The following ARFGAP3 variants were observed in gnomAD, a reference collection of about 807,000 sequenced individuals.
ARFGAP3 encodes the protein ARF GTPase activating protein 3.
Under a neutral mutation model 75.0 loss-of-function variants are expected in ARFGAP3, and 72 were observed. The observed-to-expected ratio is 0.96, with a 90% confidence interval of 0.79 to 1.17. ARFGAP3 has a LOEUF of 1.17. Ranked by LOEUF, ARFGAP3 falls within the 50% of genes most tolerant of loss-of-function variation. The pLI, the probability that ARFGAP3 is intolerant of heterozygous loss-of-function variation, is 0.00. For synonymous variants in ARFGAP3, 221 were observed against 217.9 expected (o/e 1.01, Z -0.13); for missense variants, 620 against 626.6 (o/e 0.99, Z 0.11).
chr22:42,827,121 C>A, intron 6 of ARFGAP3, 122 bp from the exon 7 acceptor site: 1 of 1,402,790 alleles, frequency 7.1e-7, no homozygotes, highest in South Asian at 1.7e-5. Flanking sequence ...GATCACCTAC[C>A]TTTTTAGCTG....
rs1925640910 is a variant in ARFGAP3 at position 42,817,732 on chromosome 22, C to CA, written c.937_938insT (p.Arg313MetfsTer30). On this transcript the variant is annotated frameshift_variant, in exon 10 of 16. Coordinates refer to ENST00000263245, the MANE Select transcript of ARFGAP3 (RefSeq NM_014570.5). LOFTEE classifies it high-confidence loss of function. ...CCAAGAAAGCAGTCTCACATACCTT[C>CA]TGCAATTTCCAAATCCCATGCCGAG... The CA allele has an allele frequency of 1.2e-6, 2 of 1,610,840 alleles. No homozygotes were observed. The highest frequency in any genetic ancestry group is 2.7e-5 in the African/African-American group (2 of 74,948).
chr22:42,840,242 T>C (rs1375101734), intron 3 of ARFGAP3, among the ~76,000 whole-genome samples: 1 of 151,944 alleles, frequency 6.6e-6, no homozygotes, highest in Admixed American at 6.6e-5. Flanking sequence ...GGGGATCTTG[T>C]TTGTCTTGTC....
intron 6 of ARFGAP3, among the ~76,000 whole-genome samples, chr22:42,831,072 G>A (rs1288154925): frequency 6.6e-6 from 1 of 152,002 alleles, no homozygotes; most frequent in Non-Finnish European, 1.5e-5. Flanking sequence ...GGCCAAGGCG[G>A]GTGGATCACC....
intron 1 of ARFGAP3, among the ~76,000 whole-genome samples, chr22:42,855,112 G>A (rs947791139): frequency 6.6e-6 from 1 of 152,118 alleles, no homozygotes; most frequent in Non-Finnish European, 1.5e-5. Context: ...CCCATTTTCA[G>A]AGGAGGAAAA....
At position 42,819,671 on chromosome 22, in the gene ARFGAP3, TAGA is replaced by T. The variant is rs763711371; in HGVS notation, c.813-1817_813-1815del. Among the ~76,000 whole-genome samples, 7 of 152,268 alleles carry T rather than the reference TAGA, an allele frequency of 4.6e-5. No individual in the cohort carries two copies. The East Asian group carries it at 7.7e-4, about 17-fold the overall frequency. On this transcript the variant is annotated intron_variant, in intron 9 of 15. Coordinates refer to ENST00000263245, the MANE Select transcript of ARFGAP3 (RefSeq NM_014570.5). ...CTCTGAGGACGGGCTGGGAAACTGC[TAGA>T]AGGAGACCAGGATGCTGCATGGGCT...
intron 6 of ARFGAP3, 59 bp downstream of exon 6, chr22:42,831,490 T>C: frequency 6.4e-7 from 1 of 1,553,494 alleles, no homozygotes; most frequent in Non-Finnish European, 8.8e-7. Context: ...TTTTTAATAG[T>C]TTCATAGCAT....
chr22:42,835,545 G>A, intron 3 of ARFGAP3, 52 bp from the exon 4 acceptor site: 1 of 1,597,756 alleles, frequency 6.3e-7, no homozygotes, highest in Non-Finnish European at 8.5e-7. Flanking sequence ...CGTATGGCCA[G>A]GCGCAGTGGC....
At chr22:42,848,922 T>C (rs80341319) in intron 1 of ARFGAP3, among the ~76,000 whole-genome samples, 12,298 of 152,262 alleles carry the variant, frequency 0.081, 657 homozygotes, top group Non-Finnish European at 0.12. Context: ...ACTATGGCCT[T>C]TTCCTGTCTC....
At chr22:42,805,254 C>T (rs1602091951) in intron 14 of ARFGAP3, among the ~76,000 whole-genome samples, 1 of 152,214 alleles carries the variant, frequency 6.6e-6, no homozygotes, top group African/African-American at 2.4e-5. Flanking sequence ...AAGGTAAACA[C>T]AGGCTGCCAC....
chr22:42,820,353 A>C lies in ARFGAP3; in HGVS notation c.812+1917T>G, dbSNP rs1056706064. Among the ~76,000 whole-genome samples, 13 of 139,070 alleles carry C rather than the reference A, an allele frequency of 9.3e-5. No individual in the cohort carries two copies. The Admixed American group carries it at 9.7e-4, about 10-fold the overall frequency. The allele number at this position is 139,070 out of a possible 152,430, so 91.2% of individuals were successfully genotyped here. A position where few individuals can be genotyped will look rare whatever the true frequency, so the allele number is the denominator to read the frequency against. On this transcript the variant is annotated intron_variant, in intron 9 of 15. Coordinates refer to ENST00000263245, the MANE Select transcript of ARFGAP3 (RefSeq NM_014570.5). ...TTCAAACCATATTCGACCTAAATAC[A>C]GTTCAGTGCTGCCCCCTATGTTCTG...
At chr22:42,824,053 G>C (rs1371873978) in intron 7 of ARFGAP3, among the ~76,000 whole-genome samples, 3 of 147,516 alleles carry the variant, frequency 2.0e-5, no homozygotes, top group African/African-American at 7.5e-5. Flanking sequence ...TTTTGAGACA[G>C]GGTCTCGCTC....
intron 1 of ARFGAP3, among the ~76,000 whole-genome samples, chr22:42,854,982 A>G (rs1358288555): frequency 1.3e-5 from 2 of 152,352 alleles, no homozygotes; most frequent in East Asian, 3.9e-4. Context: ...TGTGTTCTTC[A>G]TCATAAAAAC....
intron 2 of ARFGAP3, among the ~76,000 whole-genome samples, chr22:42,845,572 A>C (rs1926980564): frequency 6.6e-6 from 1 of 151,384 alleles, no homozygotes; most frequent in Non-Finnish European, 1.5e-5. Context: ...AAAAACCCCA[A>C]GTTTGATTCA....
chr22:42,817,411 G>A, intron 10 of ARFGAP3, 147 bp from the exon 11 acceptor site: 1 of 1,144,322 alleles, frequency 8.7e-7, no homozygotes, highest in African/African-American at 1.6e-5. Context: ...TTTTTTTCTG[G>A]TGCAAGCTTT....
intron 5 of ARFGAP3, among the ~76,000 whole-genome samples, chr22:42,832,365 T>C (rs1926331961): frequency 6.6e-6 from 1 of 151,302 alleles, no homozygotes; most frequent in African/African-American, 2.4e-5. Context: ...CTGTCTCTAC[T>C]AAAATTACAA....
rs3046479 is a variant in ARFGAP3, at chr22:42,812,224, C to CAAAA, written c.1065-1284_1065-1281dup. 5.0e-3 allele frequency among the ~76,000 whole-genome samples: 284 copies of CAAAA among 56,548 alleles called. 8 individuals are homozygous for CAAAA. Among genetic ancestry groups the CAAAA allele is most frequent in the African/African-American group, 0.016 (236 of 14,474 alleles). The allele number at this position is 56,548 out of a possible 152,430, so 37.1% of individuals were successfully genotyped here. On this transcript the variant is annotated intron_variant, in intron 11 of 15. Transcript: ENST00000263245. The stretch of plus-strand genomic sequence containing the variant: ...TGGGTGACAGAGTGGGATACTGTCT[C>CAAAA]AAAAAAAAAAAAAAAAAAAAAAAGG...
intron 2 of ARFGAP3, among the ~76,000 whole-genome samples, chr22:42,843,388 C>G (rs1014066768): frequency 2.6e-5 from 4 of 152,184 alleles, no homozygotes; most frequent in Non-Finnish European, 4.4e-5. Context: ...TTTTCCCTCC[C>G]TTGTCTCCAT....
In ARFGAP3 at chr22:42,817,228, G is replaced by C. The variant is rs745997458; in HGVS notation, c.978C>G (p.Thr326=). 4.3e-6 allele frequency: 7 copies of C among 1,612,744 alleles called. No individual in the cohort carries two copies. In the South Asian group the frequency reaches 6.6e-5, roughly 15 times the overall value. ...ISHSVTSDMQ[T]IEQESPIMAK... ...CCATAATGGGTGATTCCTGCTCTAT[G>C]GTCTGCATATCTGAAGTCACTGAAT... The change falls in exon 11 of 16, where the codon ACC becomes ACG. Residue 326 remains threonine (T), a synonymous_variant. Transcript: ENST00000263245.
chr22:42,797,542 A>C lies in ARFGAP3; in HGVS notation c.*46T>G, dbSNP rs1367429104. On this transcript the variant is annotated 3_prime_UTR_variant, in exon 16 of 16. Transcript: ENST00000263245. ...CCGCCTGAGATGTGGTTACTTGTTCATTTAAAGAGGAATTTCTCCAGGAAA... is the reference window on the plus strand; with the variant it reads ...CCGCCTGAGATGTGGTTACTTGTTCCTTTAAAGAGGAATTTCTCCAGGAAA... 6.2e-7 allele frequency: 1 copy of C among 1,613,656 alleles called. No homozygotes were observed. The highest frequency in any genetic ancestry group is 8.5e-7 in the Non-Finnish European group (1 of 1,179,722).
Sources: allele counts gnomAD v4.1 joint callset (sites outside exome capture counted in the v4.1 genomes callset), GRCh38; gene constraint gnomAD v4.1.1; transcripts MANE v1.5; gene names NCBI Gene and HGNC (gene_info 2026-07-23, HGNC 2026-07-21).